Variants in WBP11 observed in about 807,000 individuals in gnomAD.
WBP11 encodes WW domain binding protein 11, also known as WW domain-binding protein 11.
WBP11 carries 12 observed loss-of-function variants against 66.7 expected under a neutral mutation model. The observed-to-expected ratio is 0.18, with a 90% CI of 0.12 to 0.29. The LOEUF (loss-of-function observed/expected upper bound fraction) is 0.29. Among genes scored for constraint, WBP11 ranks in the 10% least tolerant of loss-of-function variants. The pLI, the probability that WBP11 is intolerant of heterozygous loss-of-function variation, is 1.00. For missense variants in WBP11, 555 were observed against 818.3 expected (o/e 0.68, Z 3.93); for synonymous variants, 255 against 273.8 (o/e 0.93, Z 0.68).
intron 11 of WBP11, among the ~76,000 whole-genome samples, chr12:14,787,770 G>A (rs1287017975): frequency 6.6e-6 from 1 of 152,102 alleles, no homozygotes; most frequent in African/African-American, 2.4e-5. Flanking sequence ...GACATCAACT[G>A]GTTTCAAATT....
In WBP11 at chr12:14,795,390, G is replaced by C. The variant is rs145168524; in HGVS notation, c.388-286C>G. ...AGCTGTTGTCTAGAGAAAGCCAACT[G>C]TTACAAGTATCTAGCACCAGAACTA... On this transcript the variant is annotated intron_variant, in intron 5 of 11. Transcript: ENST00000261167. Among the ~76,000 whole-genome samples, 46 of 152,244 alleles carry C rather than the reference G, an allele frequency of 3.0e-4. No homozygotes were observed. In the East Asian group the frequency reaches 7.3e-3, roughly 24 times the overall value.
In WBP11 at chr12:14,790,524, C is replaced by G; in HGVS notation, c.1241G>C (p.Gly414Ala). 1 of 1,613,972 alleles carries G rather than the reference C, an allele frequency of 6.2e-7. No homozygotes were observed. The highest frequency in any genetic ancestry group is 2.2e-5 in the East Asian group (1 of 44,888). ...APPMPGPPPLGPPPAPPLRPP... is the reference protein window; with the variant it reads ...APPMPGPPPLAPPPAPPLRPP... ...CCGTAATGGTGGAGCAGGTGGTGGT[C>G]CAAGAGGTGGTGGTCCTGGCATGGG... Residue 414 changes from glycine to alanine, a missense_variant, in exon 10 of 12, where the codon GGA becomes GCA. Physicochemically the swap from Gly to Ala is moderately conservative, Grantham distance 60 (BLOSUM62 0). Coordinates refer to ENST00000261167, the MANE Select transcript of WBP11 (RefSeq NM_016312.3).
chr12:14,785,126 C>G lies in WBP11; in HGVS notation c.*1939G>C, dbSNP rs975264219. On this transcript the variant is annotated 3_prime_UTR_variant, in exon 12 of 12. Coordinates refer to ENST00000261167, the MANE Select transcript of WBP11 (RefSeq NM_016312.3). ...ACCTCATCTCTAAAAAATAAATTAG[C>G]TGGTTGTGGTGGCACGTATCTGAAG... 1.3e-5 allele frequency: 2 copies of G among 152,120 alleles called. No homozygotes were observed. The highest frequency in any genetic ancestry group is 4.8e-5 in the African/African-American group (2 of 41,410). 9.4% of individuals were successfully genotyped at this position (152,120 alleles called of 1,614,324 possible). A position where few individuals can be genotyped will look rare whatever the true frequency, so the allele number is the denominator to read the frequency against.
chr12:14,799,687 C>T lies in WBP11; in HGVS notation c.138G>A (p.Lys46=), dbSNP rs1176164720. ...GGATTATCTGTTTTGGATCCTTCATCTTTAAAACTGCAGCTCGAACCATCA... is the reference window on the plus strand; with the variant it reads ...GGATTATCTGTTTTGGATCCTTCATTTTTAAAACTGCAGCTCGAACCATCA... ...QRMMVRAAVL[K]MKDPKQIIRD... is the part of the protein sequence containing the mutation. The change falls in exon 4 of 12, where the codon AAG becomes AAA. Residue 46 remains lysine (K), a synonymous_variant. Coordinates refer to ENST00000261167, the MANE Select transcript of WBP11 (RefSeq NM_016312.3). 6.2e-7 allele frequency: 1 copy of T among 1,613,646 alleles called. No individual in the cohort carries two copies. Among genetic ancestry groups the T allele is most frequent in the Non-Finnish European group, 8.5e-7 (1 of 1,179,718 alleles).
chr12:14,788,934 G>C lies in WBP11; in HGVS notation c.1492+17C>G, dbSNP rs758948417. ...AACAGCAGGCTAAGTTTTTATTATA[G>C]AAATTGAAAGCATCACCTGGAGGTG... On this transcript the variant is annotated intron_variant, in intron 11 of 11. Coordinates refer to ENST00000261167, the MANE Select transcript of WBP11 (RefSeq NM_016312.3). 25 of 1,385,636 alleles carry C rather than the reference G, an allele frequency of 1.8e-5. No individual in the cohort carries two copies. The highest frequency in any genetic ancestry group is 2.4e-5 in the Non-Finnish European group (25 of 1,059,274). The allele number at this position is 1,385,636 out of a possible 1,614,324, so 85.8% of individuals were successfully genotyped here. A position where few individuals can be genotyped will look rare whatever the true frequency, so the allele number is the denominator to read the frequency against.
At chr12:14,802,862 A>G (rs1949982734) in intron 1 of WBP11, among the ~76,000 whole-genome samples, 1 of 152,172 alleles carries the variant, frequency 6.6e-6, no homozygotes, top group African/African-American at 2.4e-5. Context: ...TCCCCCACAA[A>G]TGAAACACAA....
At chr12:14,790,405 G>C (rs1048133134) in intron 10 of WBP11, 51 bp downstream of exon 10, 5 of 1,570,376 alleles carry the variant, frequency 3.2e-6, no homozygotes, top group African/African-American at 1.4e-5. Flanking sequence ...TTTTTGGAAT[G>C]ACTTCATTCT....
chr12:14,794,131 G>A (rs946666712), intron 7 of WBP11, among the ~76,000 whole-genome samples: 3 of 151,294 alleles, frequency 2.0e-5, no homozygotes, highest in Non-Finnish European at 4.4e-5. Context: ...CTTCTTTTTG[G>A]TAATTTAAGA....
intron 5 of WBP11, among the ~76,000 whole-genome samples, chr12:14,795,748 A>G (rs1440252825): frequency 1.3e-5 from 2 of 151,988 alleles, no homozygotes; most frequent in Non-Finnish European, 2.9e-5. Context: ...AAAATAAACA[A>G]AAAAAAGAAA....
intron 11 of WBP11, among the ~76,000 whole-genome samples, chr12:14,788,035 G>A (rs1949774717): frequency 6.6e-6 from 1 of 152,112 alleles, no homozygotes; most frequent in Admixed American, 6.6e-5. Flanking sequence ...TCAGGAGCTC[G>A]AGACCAGCCT....
At chr12:14,799,587 C>T in intron 4 of WBP11, 48 bp downstream of exon 4, 1 of 1,566,378 alleles carries the variant, frequency 6.4e-7, no homozygotes, top group Non-Finnish European at 8.7e-7. Context: ...TACCTGCCTG[C>T]CTCTGTACGT....
Position 14,784,946 on chromosome 12 carries a change from A to G in WBP11, c.*2119T>C, listed in dbSNP as rs902899275. 7.1e-6 allele frequency: 1 copy of G among 139,862 alleles called. No homozygotes were observed. The highest frequency in any genetic ancestry group is 2.0e-4 in the East Asian group (1 of 4,976). The allele number at this position is 139,862 out of a possible 1,614,324, so 8.7% of individuals were successfully genotyped here. On this transcript the variant is annotated 3_prime_UTR_variant, in exon 12 of 12. Transcript: ENST00000261167. The stretch of plus-strand genomic sequence containing the variant: ...GCAGCTGATGTATTGTCACACCACT[A>G]ATTTTCAGAAAATTATACTAGCAAT...
Position 14,788,990 on chromosome 12 carries a change from G to A in WBP11, c.1453C>T (p.Arg485Cys). The change falls in exon 11 of 12, where the codon CGT becomes TGT. Residue 485 changes from arginine (R) to cysteine (C), a missense_variant. By Grantham distance (180) the Arg-to-Cys change is radical (BLOSUM62 -3). This residue lies in a region of WBP11 where 230 missense variants were observed against 286.3 expected (regional missense o/e 0.80). Coordinates refer to ENST00000261167, the MANE Select transcript of WBP11 (RefSeq NM_016312.3). ...GGAGGTAGCCTTGGTGGGGGTCCAC[G>A]AGGAGGGGGACCAGGAGGCAGACCT... ...PPGLPPGPPP[R>C]GPPPRLPPPA... 1 of 1,476,578 alleles carries A rather than the reference G, an allele frequency of 6.8e-7. No individual in the cohort carries two copies. The highest frequency in any genetic ancestry group is 8.9e-7 in the Non-Finnish European group (1 of 1,120,662). 91.5% of individuals were successfully genotyped at this position (1,476,578 alleles called of 1,614,324 possible).
chr12:14,793,331 T>C (rs1476113336), intron 8 of WBP11, among the ~76,000 whole-genome samples: 1 of 152,226 alleles, frequency 6.6e-6, no homozygotes, highest in Admixed American at 6.5e-5. Context: ...ATTATGATCC[T>C]GGTTCATGTA....
Position 14,789,030 on chromosome 12 carries a change from G to A in WBP11, c.1413C>T (p.Pro471=). Reference sequence around the variant, plus strand: ...GAGGCAGACCTGGAGGTGGACCTGGGGGAGGGCCAGGGGGTCGGCCTGGTG... The same window carrying A: ...GAGGCAGACCTGGAGGTGGACCTGGAGGAGGGCCAGGGGGTCGGCCTGGTG... ...GPPPGRPPGP[P]PGPPPGLPPG... The change falls in exon 11 of 12, where the codon CCC becomes CCT. Residue 471 remains proline, a synonymous_variant. Transcript: ENST00000261167. 1 of 1,503,884 alleles carries A rather than the reference G, an allele frequency of 6.6e-7. No individual in the cohort carries two copies. The highest frequency in any genetic ancestry group is 1.4e-5 in the South Asian group (1 of 71,114). The allele number at this position is 1,503,884 out of a possible 1,614,324, so 93.2% of individuals were successfully genotyped here.
In WBP11 at chr12:14,796,690, T is replaced by TA. The variant is rs71038636; in HGVS notation, c.387+116dup. On this transcript the variant is annotated intron_variant, in intron 5 of 11. Coordinates refer to ENST00000261167, the MANE Select transcript of WBP11 (RefSeq NM_016312.3). The surrounding 1 kb of genome is among the most constrained non-coding windows in gnomAD (Gnocchi z 4.5). ...ATATACACAAAAACAAAACAAAATA[T>TA]AAAAAAAACCCAACAACCCTAAATC... 170,253 of 934,008 alleles carry TA rather than the reference T, an allele frequency of 0.18. 16,854 individuals are homozygous for TA. Among genetic ancestry groups the TA allele is most frequent in the Admixed American group, 0.31 (8,459 of 27,428 alleles). The allele number at this position is 934,008 out of a possible 1,614,324, so 57.9% of individuals were successfully genotyped here.
intron 10 of WBP11, 133 bp downstream of exon 10, chr12:14,790,323 G>T: frequency 8.1e-7 from 1 of 1,230,664 alleles, no homozygotes; most frequent in Middle Eastern, 2.8e-4. Context: ...TGTCCTTTGA[G>T]AATCCTTCAC....
Position 14,791,177 on chromosome 12 carries a change from C to T in WBP11, c.1007G>A (p.Arg336His). 1.2e-6 allele frequency: 2 copies of T among 1,614,032 alleles called. No individual in the cohort carries two copies. The highest frequency in any genetic ancestry group is 1.7e-6 in the Non-Finnish European group (2 of 1,179,954). Residue 336 changes from arginine to histidine, a missense_variant, in exon 9 of 12, where the codon CGT becomes CAT. Arg to His is a conservative substitution (Grantham distance 29). Coordinates refer to ENST00000261167, the MANE Select transcript of WBP11 (RefSeq NM_016312.3). ...TTTTTTCCCTGCCTCACCTGCCATACGAAGCATCATGGCTTGAAGAGGAGT... is the reference window on the plus strand; with the variant it reads ...TTTTTTCCCTGCCTCACCTGCCATATGAAGCATCATGGCTTGAAGAGGAGT... The part of the protein sequence containing the change: ...ELTPLQAMML[R>H]MAGQEIPEEG...
At chr12:14,795,782 T>C (rs1467763158) in intron 5 of WBP11, among the ~76,000 whole-genome samples, 1 of 150,770 alleles carries the variant, frequency 6.6e-6, no homozygotes, top group South Asian at 2.1e-4. Context: ...AACTAACAAA[T>C]AGTATATATC....
Sources: allele counts gnomAD v4.1 joint callset (sites outside exome capture counted in the v4.1 genomes callset), GRCh38; gene constraint gnomAD v4.1.1; regional missense constraint gnomAD v4.1.1; non-coding constraint Gnocchi (gnomAD v3.1); transcripts MANE v1.5; gene names NCBI Gene and HGNC (gene_info 2026-07-23, HGNC 2026-07-21).